SLC6A5: variants seen among roughly 807,000 people sequenced by gnomAD.
The protein encoded by SLC6A5 is sodium- and chloride-dependent glycine transporter 2.
In SLC6A5, 58 loss-of-function variants were observed where a neutral mutation model predicts 90.5. The observed-to-expected ratio is 0.64, with a 90% CI of 0.52 to 0.80. The LOEUF is 0.80. SLC6A5 is among the 30% of genes least tolerant of loss of function. The probability of loss-of-function intolerance (pLI) is 0.00; values close to 1 mark genes in which losing one functional copy is unlikely to be tolerated. For synonymous variants in SLC6A5, 427 were observed against 401.4 expected (o/e 1.06, Z -0.76); for missense variants, 1,015 against 1,017.6 (o/e 1.00, Z 0.03).
At chr11:20,643,031 T>C (rs898720751) in intron 13 of SLC6A5, among the ~76,000 whole-genome samples, 26 of 152,304 alleles carry the variant, frequency 1.7e-4, no homozygotes, top group African/African-American at 5.5e-4. Context: ...CTCGGGGAGC[T>C]TGAGCACTTT....
intron 5 of SLC6A5, among the ~76,000 whole-genome samples, chr11:20,612,189 C>T (rs1033665722): frequency 6.6e-6 from 1 of 152,158 alleles, no homozygotes; most frequent in East Asian, 1.9e-4. Flanking sequence ...TTATGGCAGG[C>T]AAGTGGCCTT....
chr11:20,613,444 G>A (rs1212332319), intron 5 of SLC6A5, among the ~76,000 whole-genome samples: 1 of 152,050 alleles, frequency 6.6e-6, no homozygotes. Context: ...TTGTAAAATG[G>A]TCAGAAAGAC....
At chr11:20,621,210 A>G (rs1852882723) in intron 7 of SLC6A5, among the ~76,000 whole-genome samples, 1 of 152,146 alleles carries the variant, frequency 6.6e-6, no homozygotes. Flanking sequence ...GTGGGGGAAA[A>G]AATCCCCCCA....
chr11:20,635,163 G>A (rs1853181407), intron 10 of SLC6A5, among the ~76,000 whole-genome samples: 1 of 152,132 alleles, frequency 6.6e-6, no homozygotes. Flanking sequence ...TGTGGGTGTT[G>A]ATGATGTAGG....
intron 7 of SLC6A5, among the ~76,000 whole-genome samples, chr11:20,618,908 G>A (rs1852835820): frequency 6.6e-6 from 1 of 151,572 alleles, no homozygotes; most frequent in Non-Finnish European, 1.5e-5. Context: ...CTGCACTTCA[G>A]AGTGACAGGG....
intron 10 of SLC6A5, among the ~76,000 whole-genome samples, chr11:20,635,137 A>G (rs1198457539): frequency 1.3e-5 from 2 of 152,090 alleles, no homozygotes; most frequent in Non-Finnish European, 2.9e-5. Flanking sequence ...TCCACTCATA[A>G]TAGAAGATAA....
intron 14 of SLC6A5, 49 bp downstream of exon 14, chr11:20,646,983 T>A: frequency 8.3e-7 from 1 of 1,199,334 alleles, no homozygotes; most frequent in Non-Finnish European, 1.2e-6. Flanking sequence ...TGCATACGTA[T>A]GTGGTGTTTT....
At chr11:20,599,803 A>G in intron 1 of SLC6A5, 128 bp downstream of exon 1, 1 of 1,088,144 alleles carries the variant, frequency 9.2e-7, no homozygotes, top group Admixed American at 1.7e-5. Flanking sequence ...GACGAGGAGA[A>G]CAATTCTCGC....
intron 15 of SLC6A5, 66 bp from the exon 16 acceptor site, chr11:20,654,647 G>C: frequency 1.3e-6 from 2 of 1,529,484 alleles, no homozygotes; most frequent in East Asian, 4.5e-5. Context: ...GGGGATGAGT[G>C]GGTCGTCCCC....
At chr11:20,614,341 G>C (rs984813857) in intron 5 of SLC6A5, among the ~76,000 whole-genome samples, 1 of 152,110 alleles carries the variant, frequency 6.6e-6, no homozygotes, top group Non-Finnish European at 1.5e-5. Context: ...TCCTTATTTT[G>C]AAAATGGAAG....
At position 20,655,828 on chromosome 11, in the gene SLC6A5, G is replaced by A. The variant is rs1280446392; in HGVS notation, c.*960G>A. ...TATATATTATATATATAGGACACAT[G>A]CTCTTAAAAGACAGATAACTTCTTA... is the stretch of plus-strand genomic sequence containing the variant. On this transcript the variant is annotated 3_prime_UTR_variant, in exon 16 of 16. Coordinates refer to ENST00000525748, the MANE Select transcript of SLC6A5 (RefSeq NM_004211.5). 6.6e-6 allele frequency: 1 copy of A among 152,152 alleles called. No individual in the cohort carries two copies. Among genetic ancestry groups the A allele is most frequent in the Non-Finnish European group, 1.5e-5 (1 of 68,028 alleles). The allele number at this position is 152,152 out of a possible 1,614,324, so 9.4% of individuals were successfully genotyped here.
intron 13 of SLC6A5, among the ~76,000 whole-genome samples, chr11:20,642,760 A>T (rs1853337850): frequency 6.6e-6 from 1 of 152,148 alleles, no homozygotes. Flanking sequence ...TCAGGTGGGG[A>T]CTTGGATGTG....
intron 8 of SLC6A5, 63 bp from the exon 9 acceptor site, chr11:20,627,917 C>A: frequency 8.2e-7 from 1 of 1,221,302 alleles, no homozygotes; most frequent in Non-Finnish European, 1.2e-6. Context: ...GGGTGTGTGA[C>A]TCCTCTCCCC....
chr11:20,603,489 G>A (rs1590153466), intron 2 of SLC6A5, among the ~76,000 whole-genome samples: 1 of 152,188 alleles, frequency 6.6e-6, no homozygotes, highest in East Asian at 1.9e-4. Flanking sequence ...AGACACGGAG[G>A]TTCAGAGAGA....
chr11:20,642,780 C>T (rs1303578860), intron 13 of SLC6A5, among the ~76,000 whole-genome samples: 2 of 152,172 alleles, frequency 1.3e-5, no homozygotes, highest in Non-Finnish European at 2.9e-5. Context: ...GGGCCAGGGC[C>T]TGGGTGCTGG....
intron 10 of SLC6A5, among the ~76,000 whole-genome samples, chr11:20,633,005 C>A (rs559021771): frequency 1.3e-4 from 20 of 152,058 alleles, no homozygotes; most frequent in African/African-American, 4.6e-4. Flanking sequence ...GGTGAAGAGA[C>A]CAAGCTGTGT....
Position 20,604,437 on chromosome 11 carries a change from C to T in SLC6A5, c.679+13C>T, listed in dbSNP as rs778847163. ...CAGAACGGGGGAGGTATGGCTTTTC[C>T]GCTCTTTCCGCCTGCGGCGGGGCGG... On this transcript the variant is annotated intron_variant, in intron 3 of 15. Transcript: ENST00000525748. 13 of 1,612,396 alleles carry T rather than the reference C, an allele frequency of 8.1e-6. No homozygotes were observed. The Admixed American group carries it at 1.3e-4, about 17-fold the overall frequency.
At chr11:20,651,843 G>T (rs749975815) in intron 14 of SLC6A5, among the ~76,000 whole-genome samples, 3 of 151,834 alleles carry the variant, frequency 2.0e-5, no homozygotes, top group Non-Finnish European at 4.4e-5. Flanking sequence ...GGAGGGGGAG[G>T]TTGCAGTAGC....
chr11:20,654,593 T>C, intron 15 of SLC6A5, 120 bp from the exon 16 acceptor site: 1 of 950,988 alleles, frequency 1.1e-6, no homozygotes, highest in Non-Finnish European at 1.7e-6. Context: ...AGAGGGCCTC[T>C]TGGCTCAAGC....
Sources: allele counts gnomAD v4.1 joint callset (sites outside exome capture counted in the v4.1 genomes callset), GRCh38; gene constraint gnomAD v4.1.1; transcripts MANE v1.5; gene names NCBI Gene and HGNC (gene_info 2026-07-23, HGNC 2026-07-21).